Variants in CNNM2 observed in about 807,000 individuals in gnomAD.
CNNM2 encodes the protein metal transporter CNNM2.
In CNNM2, 12 loss-of-function variants were observed where a neutral mutation model predicts 66.9. That is an observed-to-expected ratio of 0.18 (90% CI 0.11 to 0.29). CNNM2 has a LOEUF of 0.29. Among genes scored for constraint, CNNM2 ranks in the 10% least tolerant of loss-of-function variants. CNNM2 has a pLI of 1.00. For synonymous variants in CNNM2, 557 were observed against 501.8 expected (o/e 1.11, Z -1.47); for missense variants, 705 against 1,167.7 (o/e 0.60, Z 5.77).
intron 1 of CNNM2, among the ~76,000 whole-genome samples, chr10:102,990,253 A>T (rs893468125): frequency 6.6e-6 from 1 of 152,094 alleles, no homozygotes; most frequent in African/African-American, 2.4e-5. Context: ...GGTGTGAGCC[A>T]CCGCGCCCGG....
intron 5 of CNNM2, among the ~76,000 whole-genome samples, chr10:103,070,500 A>G (rs1206436572): frequency 2.0e-5 from 3 of 152,220 alleles, no homozygotes; most frequent in African/African-American, 4.8e-5. Flanking sequence ...GCTGACCTCA[A>G]ATTAGCCCCA....
intron 1 of CNNM2, among the ~76,000 whole-genome samples, chr10:102,963,545 G>A (rs576604289): frequency 4.7e-4 from 72 of 152,270 alleles, no homozygotes; most frequent in Non-Finnish European, 8.7e-4. Flanking sequence ...TTTATCTGCC[G>A]TTCTTAATTA....
At chr10:102,956,477 C>T (rs1847041085) in intron 1 of CNNM2, among the ~76,000 whole-genome samples, 1 of 152,052 alleles carries the variant, frequency 6.6e-6, no homozygotes, top group Admixed American at 6.6e-5. Context: ...TGGATATATA[C>T]CCAAAGGATT....
chr10:103,042,463 C>G (rs1435366384), intron 1 of CNNM2, among the ~76,000 whole-genome samples: 1 of 152,188 alleles, frequency 6.6e-6, no homozygotes, highest in East Asian at 1.9e-4. Context: ...CATGCCTTTT[C>G]ACTTCAAGGT....
intron 5 of CNNM2, 140 bp downstream of exon 5, chr10:103,068,862 T>A (rs1314614583): frequency 1.3e-5 from 8 of 635,912 alleles, no homozygotes; most frequent in Non-Finnish European, 1.9e-5. Flanking sequence ...ATATCATATA[T>A]GCAGAAAATC....
chr10:103,008,388 A>G (rs558056545), intron 1 of CNNM2, among the ~76,000 whole-genome samples: 29 of 152,312 alleles, frequency 1.9e-4, no homozygotes, highest in African/African-American at 5.8e-4. Flanking sequence ...GTGTGATGGC[A>G]TGTGTTGTAT....
chr10:102,993,047 A>G lies in CNNM2; in HGVS notation c.1622-56660A>G, dbSNP rs75366855. ...TCATACATATCTGTATTTTCTGACT[A>G]GATTGCAGGTTCTTGGTCCTTGTCT... On this transcript the variant is annotated intron_variant, in intron 1 of 7. Transcript: ENST00000369878. Among the ~76,000 whole-genome samples the G allele has an allele frequency of 0.015, 2,312 of 152,262 alleles. 61 individuals carry two copies. Among genetic ancestry groups the G allele is most frequent in the African/African-American group, 0.052 (2,157 of 41,548 alleles).
intron 1 of CNNM2, among the ~76,000 whole-genome samples, chr10:103,041,461 G>A (rs1224601384): frequency 6.6e-6 from 1 of 152,186 alleles, no homozygotes; most frequent in East Asian, 1.9e-4. Flanking sequence ...TTATTTTGAA[G>A]AGGACAGCTG....
At chr10:102,950,534 G>A (rs975008085) in intron 1 of CNNM2, among the ~76,000 whole-genome samples, 7 of 152,110 alleles carry the variant, frequency 4.6e-5, no homozygotes, top group African/African-American at 1.7e-4. Context: ...GCTTGAGGCG[G>A]GAGGATTGCT....
rs532222510 is a variant in CNNM2 at position 103,063,872 on chromosome 10, G to A, written c.2074-4757G>A. ...ATATGGAAAAAGTTGTTATCTGAAA[G>A]GACACCTAATTAATCTCGAACCAGG... On this transcript the variant is annotated intron_variant, in intron 4 of 7. Transcript: ENST00000369878. 1.1e-4 allele frequency among the ~76,000 whole-genome samples: 16 copies of A among 152,272 alleles called. No individual in the cohort carries two copies. In the South Asian group the frequency reaches 1.9e-3, roughly 18 times the overall value.
rs111226535 is a variant in CNNM2, at chr10:103,014,892, T to TA, written c.1622-34801dup. Among the ~76,000 whole-genome samples, 239 of 145,606 alleles carry TA rather than the reference T, an allele frequency of 1.6e-3. No homozygotes were observed. Among genetic ancestry groups the TA allele is most frequent in the African/African-American group, 2.4e-3 (97 of 39,890 alleles). On this transcript the variant is annotated intron_variant, in intron 1 of 7. Transcript: ENST00000369878. Reference sequence around the variant, plus strand: ...GGGTGGCAGAGCACTACCCTGTCTTTAAAAAAAAAAAAAATTATAAACTTG... The same window carrying TA: ...GGGTGGCAGAGCACTACCCTGTCTTTAAAAAAAAAAAAAAATTATAAACTTG...
intron 4 of CNNM2, among the ~76,000 whole-genome samples, chr10:103,063,637 G>T (rs746957738): frequency 2.0e-5 from 3 of 152,220 alleles, no homozygotes; most frequent in Non-Finnish European, 4.4e-5. Flanking sequence ...AAGAAGGGCA[G>T]GATGCTGTGA....
chr10:102,934,420 A>G (rs1023062136), intron 1 of CNNM2, among the ~76,000 whole-genome samples: 3 of 151,612 alleles, frequency 2.0e-5, no homozygotes, highest in Admixed American at 6.6e-5. Context: ...AGCTGGGACT[A>G]CAGGCGCCTG....
At chr10:102,937,529 C>T (rs1277334134) in intron 1 of CNNM2, among the ~76,000 whole-genome samples, 1 of 152,102 alleles carries the variant, frequency 6.6e-6, no homozygotes, top group Non-Finnish European at 1.5e-5. Context: ...TAAATCTAGT[C>T]TTGATTATTA....
chr10:102,959,411 C>T (rs1847163400), intron 1 of CNNM2, among the ~76,000 whole-genome samples: 1 of 152,196 alleles, frequency 6.6e-6, no homozygotes, highest in Non-Finnish European at 1.5e-5. Context: ...GTAGTTAACA[C>T]TCTCAGTCTG....
intron 1 of CNNM2, among the ~76,000 whole-genome samples, chr10:102,927,849 T>G (rs1845928774): frequency 6.6e-6 from 1 of 152,282 alleles, no homozygotes; most frequent in East Asian, 1.9e-4. Flanking sequence ...TGCCAAACCC[T>G]CTCCCTGTGT....
intron 1 of CNNM2, among the ~76,000 whole-genome samples, chr10:103,003,261 G>A (rs1057461062): frequency 6.6e-6 from 1 of 151,952 alleles, no homozygotes. Flanking sequence ...TTACACGCAC[G>A]AGCCACCATA....
intron 6 of CNNM2, among the ~76,000 whole-genome samples, chr10:103,073,471 A>G (rs2134367308): frequency 6.6e-6 from 1 of 152,318 alleles, no homozygotes. Flanking sequence ...CAAAAAAAGG[A>G]CTAATCTGTC....
At chr10:102,963,842 TGCCC>T (rs2063420074) in intron 1 of CNNM2, among the ~76,000 whole-genome samples, 2 of 152,342 alleles carry the variant, frequency 1.3e-5, no homozygotes, top group East Asian at 3.9e-4. Context: ...AGGTGATAAG[TGCCC>T]AAAGGGACAG....
Sources: allele counts gnomAD v4.1 joint callset (sites outside exome capture counted in the v4.1 genomes callset), GRCh38; gene constraint gnomAD v4.1.1; transcripts MANE v1.5; gene names NCBI Gene and HGNC (gene_info 2026-07-23, HGNC 2026-07-21).